The following TPTE variants were observed in gnomAD, a reference collection of about 807,000 sequenced individuals.
The protein encoded by TPTE is putative tyrosine-protein phosphatase TPTE.
TPTE carries 59 observed loss-of-function variants against 84.1 expected under a neutral mutation model. That is an observed-to-expected ratio of 0.70 (90% CI 0.57 to 0.87). The LOEUF is 0.87. Ranked by LOEUF, TPTE falls within the 40% of genes least tolerant of loss-of-function variation. The probability of loss-of-function intolerance (pLI) is 0.00; values close to 1 mark genes in which losing one functional copy is unlikely to be tolerated. For missense variants in TPTE, 382 were observed against 659.6 expected, an observed-to-expected ratio of 0.58 and a Z score of 4.61; for synonymous variants, 130 against 223.5, an observed-to-expected ratio of 0.58 and a Z score of 3.73.
chr21:10,542,657 T>C (rs898613244), intron 6 of TPTE, among the ~76,000 whole-genome samples: 6 of 152,302 alleles, frequency 3.9e-5, no homozygotes, highest in Non-Finnish European at 2.9e-5. Context: ...AACTAATCCA[T>C]GCACATGATG....
chr21:10,574,536 G>A (rs1421040433), intron 14 of TPTE, among the ~76,000 whole-genome samples: 2 of 152,308 alleles, frequency 1.3e-5, no homozygotes, highest in African/African-American at 2.4e-5. Context: ...AGTCTGCCGC[G>A]CTCACAAAGA....
rs201619647 is a variant in TPTE, at chr21:10,561,201, A to G, written c.446+10A>G. ...GAGTATTTGTAGAAAGGTAAGTTTG[A>G]TTATTTTTATAATGCATTAAGCTAC... On this transcript the variant is annotated intron_variant, in intron 10 of 23. Coordinates refer to ENST00000618007, the MANE Select transcript of TPTE (RefSeq NM_199261.4). 9,428 of 1,601,788 alleles carry G rather than the reference A, an allele frequency of 5.9e-3. No individual in the cohort carries two copies. Among genetic ancestry groups the G allele is most frequent in the Non-Finnish European group, 7.1e-3 (8,363 of 1,170,922 alleles).
At chr21:10,541,776 C>T (rs1454829502) in intron 5 of TPTE, among the ~76,000 whole-genome samples, 6 of 152,310 alleles carry the variant, frequency 3.9e-5, no homozygotes, top group African/African-American at 1.4e-4. Flanking sequence ...AGAGTAGGCC[C>T]AGGGAAGAGA....
chr21:10,527,151 T>TCACACACA (rs1160648422), intron 2 of TPTE, among the ~76,000 whole-genome samples: 266 of 147,876 alleles, frequency 1.8e-3, no homozygotes, highest in African/African-American at 6.5e-3. Context: ...TCTCTCTCTC[T>TCACACACA]CTCTCTCACA....
intron 14 of TPTE, among the ~76,000 whole-genome samples, chr21:10,572,277 G>A (rs210517): frequency 0.19 from 26,032 of 134,004 alleles, 22 homozygotes; most frequent in African/African-American, 0.46. Context: ...TGAAGAAACC[G>A]CATTTCTACT....
intron 6 of TPTE, among the ~76,000 whole-genome samples, chr21:10,542,905 T>C (rs2074396786): frequency 1.3e-5 from 2 of 152,308 alleles, no homozygotes; most frequent in Admixed American, 1.3e-4. Context: ...AGCAGTTTTT[T>C]TATGGGACTC....
chr21:10,537,966 G>C (rs1305094930), intron 3 of TPTE, among the ~76,000 whole-genome samples: 3 of 152,300 alleles, frequency 2.0e-5, no homozygotes, highest in Admixed American at 1.3e-4. Flanking sequence ...GATAAAAGAT[G>C]ACCACATAAA....
intron 7 of TPTE, among the ~76,000 whole-genome samples, chr21:10,551,719 AAAAAG>A (rs1336005252): frequency 1.3e-5 from 2 of 152,270 alleles, no homozygotes; most frequent in Non-Finnish European, 2.9e-5. Flanking sequence ...AGAAACAAAA[AAAAAG>A]AGACCTCATA....
intron 8 of TPTE, among the ~76,000 whole-genome samples, chr21:10,556,851 TG>T (rs1329373713): frequency 1.3e-5 from 2 of 152,310 alleles, no homozygotes; most frequent in African/African-American, 2.4e-5. Context: ...TTTTGAGAAG[TG>T]TCTGTTCATA....
intron 17 of TPTE, among the ~76,000 whole-genome samples, chr21:10,584,063 G>A (rs2075317475): frequency 6.6e-6 from 1 of 152,308 alleles, no homozygotes; most frequent in Admixed American, 6.5e-5. Context: ...TTTATAGACT[G>A]GGGAGAATTG....
intron 13 of TPTE, 53 bp from the exon 14 acceptor site, chr21:10,570,432 T>C: frequency 4.3e-6 from 7 of 1,612,186 alleles, no homozygotes; most frequent in East Asian, 2.2e-5. Flanking sequence ...TTTTTTTGTA[T>C]GTTGTATGAA....
chr21:10,596,183 A>G, intron 20 of TPTE, 96 bp downstream of exon 20: 2 of 1,501,074 alleles, frequency 1.3e-6, no homozygotes, highest in Non-Finnish European at 1.8e-6. Flanking sequence ...AGATGATCCT[A>G]ACTCATACTT....
At chr21:10,524,527 G>A (rs1297591954) in intron 1 of TPTE, 53 bp from the exon 2 acceptor site, 1 of 152,496 alleles carries the variant, frequency 6.6e-6, no homozygotes, top group Non-Finnish European at 1.5e-5. Flanking sequence ...ATCTTGAAAG[G>A]CAACAAGAGA....
intron 23 of TPTE, 55 bp downstream of exon 23, chr21:10,603,687 A>AC: frequency 6.3e-7 from 1 of 1,588,036 alleles, no homozygotes; most frequent in Non-Finnish European, 8.6e-7. Flanking sequence ...GTCTATGTAT[A>AC]AGGTGTAATG....
chr21:10,603,987 C>A (rs2145814166), intron 23 of TPTE, among the ~76,000 whole-genome samples: 1 of 152,422 alleles, frequency 6.6e-6, no homozygotes, highest in East Asian at 1.9e-4. Flanking sequence ...TGTTGATTTA[C>A]CAATGATGAA....
At chr21:10,550,998 G>A (rs2074561735) in intron 7 of TPTE, among the ~76,000 whole-genome samples, 1 of 152,310 alleles carries the variant, frequency 6.6e-6, no homozygotes. Flanking sequence ...ATGCCCTTGA[G>A]TTACAGTGAG....
chr21:10,530,897 A>G (rs796735792), intron 3 of TPTE, among the ~76,000 whole-genome samples: 928 of 151,972 alleles, frequency 6.1e-3, no homozygotes, highest in African/African-American at 0.022. Context: ...CTTTGAATTT[A>G]TGTGATAACT....
chr21:10,580,990 T>A (rs2075261402), intron 17 of TPTE, among the ~76,000 whole-genome samples: 1 of 152,310 alleles, frequency 6.6e-6, no homozygotes, highest in African/African-American at 2.4e-5. Context: ...TAATTACATT[T>A]TTAGTGGGCT....
chr21:10,552,191 A>G (rs2074588038), intron 7 of TPTE, among the ~76,000 whole-genome samples: 1 of 152,310 alleles, frequency 6.6e-6, no homozygotes, highest in Non-Finnish European at 1.5e-5. Context: ...ACATAATGCC[A>G]TTGCAAACTT....
Sources: gnomAD v4.1 joint callset for allele counts (sites outside exome capture counted in the v4.1 genomes callset) on GRCh38, gnomAD v4.1.1 for gene constraint, MANE v1.5 for transcripts, NCBI Gene and HGNC (gene_info 2026-07-23, HGNC 2026-07-21) for gene names.